TTLL1: variants seen among roughly 807,000 people sequenced by gnomAD.
The protein encoded by TTLL1 is TTL family tubulin polyglutamylase complex subunit L1, also known as polyglutamylase complex subunit TTLL1.
TTLL1 carries 33 observed loss-of-function variants against 47.8 expected under a neutral mutation model. The ratio of observed to expected loss-of-function variants is 0.69; its 90% confidence interval spans 0.52 to 0.92. The LOEUF (loss-of-function observed/expected upper bound fraction) is 0.92. Among genes scored for constraint, TTLL1 ranks in the 40% least tolerant of loss-of-function variants. The pLI, the probability that TTLL1 is intolerant of heterozygous loss-of-function variation, is 0.00. For missense variants in TTLL1, 488 were observed against 547.5 expected (o/e 0.89, Z 1.08); for synonymous variants, 225 against 214.1 (o/e 1.05, Z -0.45).
At chr22:43,076,570 T>C (rs1321748341) in intron 2 of TTLL1, among the ~76,000 whole-genome samples, 2 of 151,004 alleles carry the variant, frequency 1.3e-5, no homozygotes, top group African/African-American at 4.9e-5. Flanking sequence ...GCTAACACGG[T>C]GAAACCCTGT....
At chr22:43,064,549 AC>A (rs1927606379) in intron 5 of TTLL1, among the ~76,000 whole-genome samples, 1 of 151,336 alleles carries the variant, frequency 6.6e-6, no homozygotes, top group Non-Finnish European at 1.5e-5. Flanking sequence ...ACACGGTGAA[AC>A]CCCGTCTCTG....
intron 9 of TTLL1, among the ~76,000 whole-genome samples, chr22:43,047,508 A>G (rs771452402): frequency 2.0e-5 from 3 of 151,950 alleles, no homozygotes; most frequent in Non-Finnish European, 4.4e-5. Context: ...TTGCTGTGTC[A>G]CCCAGGCTGG....
chr22:43,075,950 T>A (rs1928456818), intron 2 of TTLL1, among the ~76,000 whole-genome samples: 1 of 152,184 alleles, frequency 6.6e-6, no homozygotes, highest in Non-Finnish European at 1.5e-5. Flanking sequence ...CCCGGGAATG[T>A]TCAACTGCAA....
At chr22:43,069,581 A>C (rs1331497987) in intron 4 of TTLL1, 55 bp downstream of exon 4, 1 of 1,611,022 alleles carries the variant, frequency 6.2e-7, no homozygotes, top group Admixed American at 1.7e-5. Flanking sequence ...CTCGCGCCCC[A>C]AAGAAAAAAT....
chr22:43,051,814 G>A lies in TTLL1; in HGVS notation c.965C>T (p.Pro322Leu). The A allele has an allele frequency of 1.2e-6, 2 of 1,614,014 alleles. No homozygotes were observed. The highest frequency in any genetic ancestry group is 1.1e-5 in the South Asian group (1 of 91,070). The part of the protein sequence containing the change: ...YDIIIDDKLK[P>L]WLIEVNASPS... ...TCCCGCAGTTACCTCGATCAGCCAG[G>A]GCTTCAGCTTGTCGTCGATGATGAT... Residue 322 changes from proline (P) to leucine (L), a missense_variant, in exon 9 of 11, where the codon CCC becomes CTC. Physicochemically the swap from Pro to Leu is moderately conservative, Grantham distance 98. Coordinates refer to ENST00000266254, the MANE Select transcript of TTLL1 (RefSeq NM_012263.5).
chr22:43,079,987 C>G lies in TTLL1; in HGVS notation c.-89-1G>C, dbSNP rs1928775950. The G allele has an allele frequency of 6.6e-6, 1 of 152,272 alleles. No individual in the cohort carries two copies. Among genetic ancestry groups the G allele is most frequent in the Admixed American group, 6.5e-5 (1 of 15,276 alleles). 9.4% of individuals were successfully genotyped at this position (152,272 alleles called of 1,614,324 possible). The stretch of plus-strand genomic sequence containing the variant: ...ACTGACGCCGGCCCCTCCTTCTTCC[C>G]TAAAAGTTAACACACAGATGAAATG... On this transcript the variant is annotated splice_acceptor_variant, in intron 1 of 10. Transcript: ENST00000266254. LOFTEE classifies it low-confidence loss of function (5UTR_SPLICE).
Position 43,089,388 on chromosome 22 carries a change from G to C in TTLL1, c.-201C>G, listed in dbSNP as rs899644393. On this transcript the variant is annotated 5_prime_UTR_variant, in exon 1 of 11. Coordinates refer to ENST00000266254, the MANE Select transcript of TTLL1 (RefSeq NM_012263.5). The stretch of plus-strand genomic sequence containing the variant: ...CCGGCGCTCGCAGGAGTACGCAGCC[G>C]ACTGCCAGGCGCACCGGCCCGCCCC... 5 of 152,342 alleles carry C rather than the reference G, an allele frequency of 3.3e-5. No homozygotes were observed. The highest frequency in any genetic ancestry group is 9.7e-5 in the African/African-American group (4 of 41,432). 9.4% of individuals were successfully genotyped at this position (152,342 alleles called of 1,614,324 possible). A position where few individuals can be genotyped will look rare whatever the true frequency, so the allele number is the denominator to read the frequency against.
chr22:43,047,850 AG>A, intron 9 of TTLL1, among the ~76,000 whole-genome samples: 1 of 152,190 alleles, frequency 6.6e-6, no homozygotes, highest in South Asian at 2.1e-4. Flanking sequence ...GATTAGAGGG[AG>A]CAAATTTGTA....
At chr22:43,088,562 C>T (rs1204287575) in intron 1 of TTLL1, among the ~76,000 whole-genome samples, 2 of 150,774 alleles carry the variant, frequency 1.3e-5, no homozygotes, top group African/African-American at 4.9e-5. Flanking sequence ...CCAGGATGGT[C>T]TCGATCTCCT....
At chr22:43,067,857 T>G (rs1038569443) in intron 5 of TTLL1, among the ~76,000 whole-genome samples, 1 of 151,566 alleles carries the variant, frequency 6.6e-6, no homozygotes, top group East Asian at 2.0e-4. Flanking sequence ...CAGGCTGGAG[T>G]GCATGGCGCG....
chr22:43,086,435 A>C lies in TTLL1; in HGVS notation c.-90+2842T>G, dbSNP rs571354514. Among the ~76,000 whole-genome samples, 4 of 152,198 alleles carry C rather than the reference A, an allele frequency of 2.6e-5. No homozygotes were observed. The South Asian group carries it at 8.3e-4, about 32-fold the overall frequency. ...GGGGCAACTGGGTAGGATCGTCATG[A>C]GCTCAAAGAGAAGGTTTCCCATGAA... On this transcript the variant is annotated intron_variant, in intron 1 of 10. Coordinates refer to ENST00000266254, the MANE Select transcript of TTLL1 (RefSeq NM_012263.5).
Position 43,068,476 on chromosome 22 carries a change from T to C in TTLL1, c.437A>G (p.Lys146Arg). 6.3e-7 allele frequency: 1 copy of C among 1,576,688 alleles called. No homozygotes were observed. Among genetic ancestry groups the C allele is most frequent in the East Asian group, 2.3e-5 (1 of 44,040 alleles). ...GAGCTTGTTGATAAGGAAGATGCCC[T>C]TTCCCTGGGCCTTGCCACAAGGCTT... ...IMKPCGKAQGKGIFLINKLSQ... is the reference protein window; with the variant it reads ...IMKPCGKAQGRGIFLINKLSQ... The change falls in exon 5 of 11, where the codon AAG becomes AGG. Residue 146 changes from lysine to arginine, a missense_variant. Physicochemically the swap from Lys to Arg is conservative, Grantham distance 26 (BLOSUM62 2). Coordinates refer to ENST00000266254, the MANE Select transcript of TTLL1 (RefSeq NM_012263.5).
chr22:43,070,695 G>A (rs1365040431), intron 3 of TTLL1, among the ~76,000 whole-genome samples: 1 of 152,046 alleles, frequency 6.6e-6, no homozygotes, highest in Non-Finnish European at 1.5e-5. Flanking sequence ...GACCCCCATT[G>A]CCCCACTTCA....
At chr22:43,080,140 T>C (rs1316495788) in intron 1 of TTLL1, among the ~76,000 whole-genome samples, 154 bp from the exon 2 acceptor site, 5 of 151,896 alleles carry the variant, frequency 3.3e-5, no homozygotes, top group Admixed American at 6.6e-5. Context: ...CTGCAATCTC[T>C]GCCTCCCGGG....
intron 10 of TTLL1, 127 bp from the exon 11 acceptor site, chr22:43,040,032 G>C: frequency 7.6e-7 from 1 of 1,309,164 alleles, no homozygotes; most frequent in Non-Finnish European, 1.0e-6. Flanking sequence ...CCACCCTCGC[G>C]ACTCCTGCTG....
intron 8 of TTLL1, among the ~76,000 whole-genome samples, chr22:43,054,219 G>A (rs1926839147): frequency 6.6e-6 from 1 of 152,216 alleles, no homozygotes; most frequent in Non-Finnish European, 1.5e-5. Flanking sequence ...CAAGGTATAA[G>A]GAGCTTCAGT....
intron 8 of TTLL1, among the ~76,000 whole-genome samples, chr22:43,053,657 T>C (rs1178393369): frequency 6.6e-6 from 1 of 152,192 alleles, no homozygotes; most frequent in Non-Finnish European, 1.5e-5. Context: ...CTTGTCTGCC[T>C]CACTCTGAGG....
intron 3 of TTLL1, chr22:43,070,298 T>C (rs1342136518): frequency 2.2e-6 from 2 of 930,068 alleles, no homozygotes; most frequent in Non-Finnish European, 3.1e-6. Flanking sequence ...TATTTGATAT[T>C]CTTGGAGAGT....
Position 43,059,393 on chromosome 22 carries a change from C to T in TTLL1, c.882G>A (p.Lys294=), listed in dbSNP as rs780702294. The change falls in exon 8 of 11, where the codon AAG becomes AAA. Residue 294 remains lysine, a synonymous_variant. Transcript: ENST00000266254. ...CCCGCACCAAACTCACCGCCACAGCCTTCAGGGACTGCACGATGATCCAGT... is the reference window on the plus strand; with the variant it reads ...CCCGCACCAAACTCACCGCCACAGCTTTCAGGGACTGCACGATGATCCAGT... ...EIHWIIVQSL[K]AVAPVMNNDK... The T allele has an allele frequency of 1.1e-5, 18 of 1,613,148 alleles. No homozygotes were observed. Among genetic ancestry groups the T allele is most frequent in the Non-Finnish European group, 5.1e-6 (6 of 1,179,602 alleles).
Sources: allele counts gnomAD v4.1 joint callset (sites outside exome capture counted in the v4.1 genomes callset), GRCh38; gene constraint gnomAD v4.1.1; transcripts MANE v1.5; gene names NCBI Gene and HGNC (gene_info 2026-07-23, HGNC 2026-07-21).